Variants in TMEM170B observed in about 807,000 individuals in gnomAD.
TMEM170B encodes transmembrane protein 170B.
In TMEM170B, 6 loss-of-function variants were observed where a neutral mutation model predicts 13.0. The ratio of observed to expected loss-of-function variants is 0.46; its 90% CI spans 0.25 to 0.91. The LOEUF is 0.91. Among genes scored for constraint, TMEM170B ranks in the 40% least tolerant of loss-of-function variants. The pLI, the probability that TMEM170B is intolerant of heterozygous loss-of-function variation, is 0.17. For missense variants in TMEM170B, 138 were observed against 165.2 expected, an observed-to-expected ratio of 0.84 and a Z score of 0.90; for synonymous variants, 61 against 64.9, an observed-to-expected ratio of 0.94 and a Z score of 0.29.
At chr6:11,561,594 C>T (rs954291262) in intron 1 of TMEM170B, among the ~76,000 whole-genome samples, 2 of 152,122 alleles carry the variant, frequency 1.3e-5, no homozygotes, top group East Asian at 3.8e-4. Context: ...TCCCTGTTCA[C>T]TCATGAGGTT....
At chr6:11,574,450 A>G (rs535234244) in intron 2 of TMEM170B, among the ~76,000 whole-genome samples, 1 of 152,230 alleles carries the variant, frequency 6.6e-6, no homozygotes, top group African/African-American at 2.4e-5. Flanking sequence ...ATTATATTCT[A>G]ATTTTCATGA....
intron 1 of TMEM170B, among the ~76,000 whole-genome samples, chr6:11,542,140 T>TA (rs1332625489): frequency 6.6e-6 from 1 of 152,178 alleles, no homozygotes; most frequent in Non-Finnish European, 1.5e-5. Flanking sequence ...GCCTCAAACT[T>TA]ACCATTTGTA....
At chr6:11,574,126 C>T (rs1759842085) in intron 2 of TMEM170B, among the ~76,000 whole-genome samples, 1 of 152,006 alleles carries the variant, frequency 6.6e-6, no homozygotes, top group Non-Finnish European at 1.5e-5. Flanking sequence ...TTTCCTGGGG[C>T]TAGTAACTGA....
rs1759945894 is a variant in TMEM170B at position 11,580,811 on chromosome 6, A to G, written c.*5250A>G. The stretch of plus-strand genomic sequence containing the variant: ...CATCCTGTGTTTTGTTAGGACTAGA[A>G]ACTATACTGGATGAGTATGTATACT... On this transcript the variant is annotated 3_prime_UTR_variant, in exon 3 of 3. Coordinates refer to ENST00000379426, the MANE Select transcript of TMEM170B (RefSeq NM_001100829.3). The G allele has an allele frequency of 6.6e-6, 1 of 152,236 alleles. No individual in the cohort carries two copies. Among genetic ancestry groups the G allele is most frequent in the Non-Finnish European group, 1.5e-5 (1 of 68,044 alleles). The allele number at this position is 152,236 out of a possible 1,614,324, so 9.4% of individuals were successfully genotyped here.
intron 1 of TMEM170B, among the ~76,000 whole-genome samples, chr6:11,564,199 G>A (rs1759706801): frequency 6.6e-6 from 1 of 152,170 alleles, no homozygotes; most frequent in South Asian, 2.1e-4. Flanking sequence ...AAACATGGGT[G>A]TGCCAATATC....
rs917614817 is a variant in TMEM170B, at chr6:11,537,831, C to G, written c.-447C>G. On this transcript the variant is annotated 5_prime_UTR_variant, in exon 1 of 3. Transcript: ENST00000379426. The stretch of plus-strand genomic sequence containing the variant: ...CTGGCTGGTCCCGCGTCTCCGTCCT[C>G]CGGCGGCGATGAGCTGGGCCCTGTC... 6.6e-6 allele frequency among the ~76,000 whole-genome samples: 1 copy of G among 151,686 alleles called. No individual in the cohort carries two copies. The highest frequency in any genetic ancestry group is 6.6e-5 in the Admixed American group (1 of 15,240).
In TMEM170B at chr6:11,575,572, G is replaced by A; in HGVS notation, c.*11G>A. 6.2e-7 allele frequency: 1 copy of A among 1,612,284 alleles called. No homozygotes were observed. The highest frequency in any genetic ancestry group is 2.2e-5 in the East Asian group (1 of 44,860). ...CTCGCTACACTTTGAGGTTTCTGTG[G>A]GAATGTCTTACTTCACATAAGGAAA... On this transcript the variant is annotated 3_prime_UTR_variant, in exon 3 of 3. Transcript: ENST00000379426. The surrounding 1 kb of genome is among the most constrained non-coding windows in gnomAD (Gnocchi z 4.1).
rs553810503 is a variant in TMEM170B, at chr6:11,571,784, T to A, written c.269-3647T>A. On this transcript the variant is annotated intron_variant, in intron 2 of 2. Coordinates refer to ENST00000379426, the MANE Select transcript of TMEM170B (RefSeq NM_001100829.3). ...TGTTAAAATAATATATAACTTCATA[T>A]AATTGTAAAAAGATTAATATCTAGA... 3.0e-4 allele frequency among the ~76,000 whole-genome samples: 45 copies of A among 152,242 alleles called. 1 individual carries two copies. The highest frequency in any genetic ancestry group is 1.1e-3 in the African/African-American group (45 of 41,554).
At position 11,560,140 on chromosome 6, in the gene TMEM170B, C is replaced by T. The variant is rs183875018; in HGVS notation, c.98-5526C>T. 7.8e-4 allele frequency among the ~76,000 whole-genome samples: 119 copies of T among 151,736 alleles called. 1 individual carries two copies. The highest frequency in any genetic ancestry group is 3.4e-3 in the Middle Eastern group (1 of 294). The stretch of plus-strand genomic sequence containing the variant: ...GAGAACCATTGATCTAGCAGAGCAT[C>T]TTCTCCTTTATTTTTATTTTTTTAT... On this transcript the variant is annotated intron_variant, in intron 1 of 2. Transcript: ENST00000379426.
At chr6:11,562,436 GTT>G (rs1759679078) in intron 1 of TMEM170B, among the ~76,000 whole-genome samples, 3 of 150,186 alleles carry the variant, frequency 2.0e-5, no homozygotes, top group African/African-American at 7.4e-5. Flanking sequence ...ATGCATGGTA[GTT>G]TAACACACAC....
chr6:11,566,283 A>G (rs1176692324), intron 2 of TMEM170B, among the ~76,000 whole-genome samples: 1 of 152,170 alleles, frequency 6.6e-6, no homozygotes, highest in Non-Finnish European at 1.5e-5. Flanking sequence ...TTATATACAC[A>G]TTATTATGGC....
Position 11,583,499 on chromosome 6 carries a change from A to G in TMEM170B, c.*7938A>G, listed in dbSNP as rs1759984754. ...TATTCAATTTCATGCACTTATATAT[A>G]AATAAACCTGTCTTTGAAAGCTTTA... On this transcript the variant is annotated 3_prime_UTR_variant, in exon 3 of 3. Transcript: ENST00000379426. The G allele has an allele frequency of 6.6e-6, 1 of 152,218 alleles. No individual in the cohort carries two copies. The highest frequency in any genetic ancestry group is 6.5e-5 in the Admixed American group (1 of 15,280). 9.4% of individuals were successfully genotyped at this position (152,218 alleles called of 1,614,324 possible).
intron 2 of TMEM170B, 119 bp downstream of exon 2, chr6:11,565,955 A>G (rs1444788394): frequency 1.2e-6 from 1 of 857,342 alleles, no homozygotes; most frequent in African/African-American, 1.7e-5. Flanking sequence ...ATTTTTCAAC[A>G]CTTAACACAC....
At chr6:11,556,880 G>C (rs1173877420) in intron 1 of TMEM170B, among the ~76,000 whole-genome samples, 1 of 152,102 alleles carries the variant, frequency 6.6e-6, no homozygotes. Context: ...CAAGAAACAA[G>C]ATTTCTGTGT....
chr6:11,573,136 T>G (rs748165759), intron 2 of TMEM170B, among the ~76,000 whole-genome samples: 3 of 152,206 alleles, frequency 2.0e-5, no homozygotes, highest in Non-Finnish European at 4.4e-5. Context: ...TGTTCATTGA[T>G]GTGAAACCTT....
At chr6:11,557,122 C>A (rs1016866288) in intron 1 of TMEM170B, among the ~76,000 whole-genome samples, 1 of 152,220 alleles carries the variant, frequency 6.6e-6, no homozygotes. Context: ...TTCTTACCCA[C>A]TTGTATGTTG....
chr6:11,562,805 A>G (rs1488667415), intron 1 of TMEM170B, among the ~76,000 whole-genome samples: 1 of 152,176 alleles, frequency 6.6e-6, no homozygotes, highest in Non-Finnish European at 1.5e-5. Flanking sequence ...TTAGTTCTAT[A>G]CAATTGTATC....
At chr6:11,543,646 A>G (rs565511001) in intron 1 of TMEM170B, among the ~76,000 whole-genome samples, 1 of 152,336 alleles carries the variant, frequency 6.6e-6, no homozygotes, top group South Asian at 2.1e-4. Context: ...TCGTCATCAT[A>G]AACTTGGAAA....
At chr6:11,549,642 G>A (rs1314409744) in intron 1 of TMEM170B, among the ~76,000 whole-genome samples, 4 of 150,290 alleles carry the variant, frequency 2.7e-5, no homozygotes, top group South Asian at 2.1e-4. Flanking sequence ...CAGCCTGGGC[G>A]ACAGAGCGAG....
Sources: gnomAD v4.1 joint callset for allele counts (sites outside exome capture counted in the v4.1 genomes callset) on GRCh38, gnomAD v4.1.1 for gene constraint, Gnocchi (gnomAD v3.1) non-coding constraint, MANE v1.5 for transcripts, NCBI Gene and HGNC (gene_info 2026-07-23, HGNC 2026-07-21) for gene names.